SMARCA1: variants seen among roughly 807,000 people sequenced by gnomAD.
SMARCA1 encodes SNF2 related chromatin remodeling ATPase 1, also known as SWI/SNF-related matrix-associated actin-dependent regulator of chromatin subfamily A member 1.
Under a neutral mutation model 93.6 loss-of-function variants are expected in SMARCA1, and 17 were observed. The ratio of observed to expected loss-of-function variants is 0.18; its 90% CI spans 0.12 to 0.27. The LOEUF is 0.27. Among genes scored for constraint, SMARCA1 ranks in the 10% least tolerant of loss-of-function variants. The probability of loss-of-function intolerance (pLI) is 1.00; values close to 1 mark genes in which losing one functional copy is unlikely to be tolerated. For missense variants in SMARCA1, 630 were observed against 819.0 expected (o/e 0.77, Z 2.82); for synonymous variants, 271 against 271.4 (o/e 1.00, Z 0.01).
In SMARCA1 at chrX:129,516,273, C is replaced by T; in HGVS notation, c.428+58G>A. The stretch of plus-strand genomic sequence containing the variant: ...GGTGCATGAAGGGATCAAGGGAGGA[C>T]AGGAGGAAGAAAAGGTAGGAGAAAG... On this transcript the variant is annotated intron_variant, in intron 3 of 24. Coordinates refer to ENST00000371121, the MANE Select transcript of SMARCA1 (RefSeq NM_001282874.2). The T allele has an allele frequency of 2.8e-6, 3 of 1,080,665 alleles. No individual in the cohort carries two copies. In the East Asian group the frequency reaches 9.1e-5, roughly 33 times the overall value. The allele number at this position is 1,080,665 out of a possible 1,213,427, so 89.1% of individuals were successfully genotyped here.
chrX:129,486,433 A>C (rs1300601664), intron 17 of SMARCA1, among the ~76,000 whole-genome samples: 2 of 111,828 alleles, frequency 1.8e-5, no homozygotes, highest in Non-Finnish European at 3.8e-5. Context: ...CCTTAATTTC[A>C]GTTTAAAAAA....
At position 129,523,374 on chromosome X, in the gene SMARCA1, G is replaced by C. The variant is rs747920872; in HGVS notation, c.-4C>G. On this transcript the variant is annotated 5_prime_UTR_variant, in exon 1 of 25. Transcript: ENST00000371121. ...CTGCGGCAGTGTCCTGCTCCATGCC[G>C]TGGGAGCGGGAACGAGTAGGGGGAC... The C allele has an allele frequency of 1.7e-6, 2 of 1,157,605 alleles. No homozygotes were observed. The highest frequency in any genetic ancestry group is 3.1e-5 in the East Asian group (1 of 32,335).
chrX:129,500,355 A>G (rs1434246621), intron 9 of SMARCA1, among the ~76,000 whole-genome samples: 1 of 111,747 alleles, frequency 8.9e-6, no homozygotes, highest in Non-Finnish European at 1.9e-5. Flanking sequence ...TTTAGTAGAG[A>G]CAGGGTTTCA....
chrX:129,519,980 C>T (rs1569451764), intron 1 of SMARCA1, among the ~76,000 whole-genome samples: 1 of 111,036 alleles, frequency 9.0e-6, no homozygotes, highest in East Asian at 2.8e-4. Context: ...TTACCCATTA[C>T]TTTTTTGCTT....
chrX:129,471,814 A>G (rs1224755907), intron 19 of SMARCA1, among the ~76,000 whole-genome samples: 2 of 111,776 alleles, frequency 1.8e-5, no homozygotes, highest in Non-Finnish European at 3.8e-5. Context: ...CATAAAATGG[A>G]AAGTTTGGAA....
chrX:129,496,713 T>A (rs774947884), intron 12 of SMARCA1, 37 bp downstream of exon 12: 2 of 1,184,719 alleles, frequency 1.7e-6, no homozygotes, highest in African/African-American at 3.5e-5. Flanking sequence ...AATTGAACTC[T>A]GATTTCTGAA....
At chrX:129,451,893 C>T (rs771307103) in intron 23 of SMARCA1, among the ~76,000 whole-genome samples, 28 of 110,819 alleles carry the variant, frequency 2.5e-4, no homozygotes, top group African/African-American at 8.8e-4. Flanking sequence ...TTAGTAGAGA[C>T]AGGGTTTCAC....
intron 18 of SMARCA1, 120 bp from the exon 19 acceptor site, chrX:129,480,934 C>T: frequency 1.7e-6 from 1 of 575,241 alleles, no homozygotes; most frequent in Non-Finnish European, 2.7e-6. Context: ...ATTTATATGG[C>T]TGGGCCAAAT....
intron 17 of SMARCA1, among the ~76,000 whole-genome samples, chrX:129,482,194 G>T (rs1271394623): frequency 2.8e-5 from 2 of 70,222 alleles, no homozygotes; most frequent in African/African-American, 1.1e-4. Flanking sequence ...GGTGGGGGGA[G>T]GGGGGAGGGA....
chrX:129,468,059 G>T (rs1326602956), intron 21 of SMARCA1, among the ~76,000 whole-genome samples: 1 of 112,223 alleles, frequency 8.9e-6, no homozygotes, highest in African/African-American at 3.2e-5. Flanking sequence ...AAGAGGTTTC[G>T]CCCAGGGAGG....
At chrX:129,490,707 G>A (rs987425741) in intron 14 of SMARCA1, among the ~76,000 whole-genome samples, 3 of 111,033 alleles carry the variant, frequency 2.7e-5, no homozygotes, top group Admixed American at 9.6e-5. Flanking sequence ...GACAGGTGGC[G>A]AACTTCTAGT....
chrX:129,517,805 A>T (rs1026865889), intron 2 of SMARCA1, among the ~76,000 whole-genome samples: 2 of 111,623 alleles, frequency 1.8e-5, no homozygotes, highest in African/African-American at 3.2e-5. Flanking sequence ...AAATAATTAA[A>T]TGTATTATAG....
At chrX:129,470,582 C>CAA (rs1411123559) in intron 20 of SMARCA1, among the ~76,000 whole-genome samples, 1 of 111,726 alleles carries the variant, frequency 9.0e-6, no homozygotes, top group African/African-American at 3.3e-5. Context: ...ATGTTAATAA[C>CAA]AGGCTTGGCA....
chrX:129,460,027 G>A (rs1932779058), intron 23 of SMARCA1, among the ~76,000 whole-genome samples: 1 of 110,939 alleles, frequency 9.0e-6, no homozygotes, highest in African/African-American at 3.3e-5. Flanking sequence ...GCACGCACCT[G>A]TAGTCCTAGC....
At chrX:129,476,262 T>C (rs758959950) in intron 19 of SMARCA1, among the ~76,000 whole-genome samples, 2 of 112,391 alleles carry the variant, frequency 1.8e-5, no homozygotes, top group African/African-American at 3.2e-5. Context: ...GGGCACATTA[T>C]GTACTGCTGT....
intron 16 of SMARCA1, among the ~76,000 whole-genome samples, chrX:129,488,667 T>C (rs1470738286): frequency 9.3e-6 from 1 of 107,768 alleles, no homozygotes; most frequent in African/African-American, 3.4e-5. Flanking sequence ...ACACAAAATT[T>C]ACTTGGCTTT....
intron 23 of SMARCA1, among the ~76,000 whole-genome samples, chrX:129,452,917 T>C (rs1274325307): frequency 8.9e-6 from 1 of 112,274 alleles, no homozygotes; most frequent in Non-Finnish European, 1.9e-5. Context: ...CACATGTTGG[T>C]AATTCTCACA....
chrX:129,450,640 T>C (rs1932244857), intron 23 of SMARCA1, among the ~76,000 whole-genome samples: 1 of 111,802 alleles, frequency 8.9e-6, no homozygotes, highest in Non-Finnish European at 1.9e-5. Context: ...ATTTTGGTAA[T>C]CTGGAAACAG....
Position 129,473,214 on chromosome X carries a change from C to T in SMARCA1, c.2443-1888G>A, listed in dbSNP as rs779999673. On this transcript the variant is annotated intron_variant, in intron 19 of 24. Transcript: ENST00000371121. ...AGTGTCAAAATGTAGTGTTTTCACC[C>T]GGAAGCCTTTTGCTGAATGGACTGA... Among the ~76,000 whole-genome samples, 4 of 111,401 alleles carry T rather than the reference C, an allele frequency of 3.6e-5. No homozygotes were observed. The East Asian group carries it at 1.1e-3, about 31-fold the overall frequency.
Sources: allele counts gnomAD v4.1 joint callset (sites outside exome capture counted in the v4.1 genomes callset), GRCh38; gene constraint gnomAD v4.1.1; transcripts MANE v1.5; gene names NCBI Gene and HGNC (gene_info 2026-07-23, HGNC 2026-07-21).